Variants in CHM observed in about 807,000 individuals in gnomAD.
The protein encoded by CHM is rab proteins geranylgeranyltransferase component A 1.
In CHM, 10 loss-of-function variants were observed where a neutral mutation model predicts 49.0. That is an observed-to-expected ratio of 0.20 (90% CI 0.13 to 0.35). CHM has a LOEUF of 0.35. CHM is among the 10% of genes least tolerant of loss of function. CHM has a pLI of 1.00. For synonymous variants in CHM, 184 were observed against 167.5 expected, an observed-to-expected ratio of 1.10 and a Z score of -0.76; for missense variants, 455 against 478.4, an observed-to-expected ratio of 0.95 and a Z score of 0.46.
At chrX:85,972,285 A>T (rs1930969747) in intron 4 of CHM, among the ~76,000 whole-genome samples, 1 of 113,477 alleles carries the variant, frequency 8.8e-6, no homozygotes, top group Admixed American at 9.2e-5. Flanking sequence ...TCAGGAGCCC[A>T]GCTGGCTTCA....
chrX:86,004,615 A>T (rs1932814539), intron 2 of CHM, among the ~76,000 whole-genome samples: 1 of 112,095 alleles, frequency 8.9e-6, no homozygotes, highest in Admixed American at 9.4e-5. Context: ...TTGCAATTCT[A>T]GTCTCTGATA....
At chrX:85,981,967 T>G (rs747845297) in intron 2 of CHM, among the ~76,000 whole-genome samples, 158 bp from the exon 3 acceptor site, 2 of 111,525 alleles carry the variant, frequency 1.8e-5, no homozygotes, top group South Asian at 7.6e-4. Flanking sequence ...AAGGCTCACA[T>G]AAGTGGAAGT....
At chrX:85,911,164 T>TGTGTATATATATATATATATATATATGA (rs1926948717) in intron 9 of CHM, 97 bp downstream of exon 9, 1 of 3,707 alleles carries the variant, frequency 2.7e-4, no homozygotes. Context: ...TATATATATG[T>TGTGTATATATATATATATATATATATGA]ATATATATAT....
At chrX:86,006,031 C>T (rs1280196936) in intron 2 of CHM, among the ~76,000 whole-genome samples, 7 of 111,388 alleles carry the variant, frequency 6.3e-5, no homozygotes, top group Non-Finnish European at 1.3e-4. Flanking sequence ...ACTGGGAAAC[C>T]GAATACACCA....
chrX:86,021,881 A>C (rs1461751905), intron 2 of CHM, among the ~76,000 whole-genome samples: 3 of 112,037 alleles, frequency 2.7e-5, no homozygotes, highest in Non-Finnish European at 5.6e-5. Flanking sequence ...AAAATGGATA[A>C]GCCTTGAGGA....
chrX:85,930,402 T>G (rs969145244), intron 8 of CHM, among the ~76,000 whole-genome samples: 1 of 111,390 alleles, frequency 9.0e-6, no homozygotes, highest in Non-Finnish European at 1.9e-5. Context: ...TAGAAGAAAA[T>G]TAGATCAAAA....
At chrX:85,939,937 C>T (rs2147635478) in intron 8 of CHM, among the ~76,000 whole-genome samples, 1 of 111,666 alleles carries the variant, frequency 9.0e-6, no homozygotes, top group African/African-American at 3.3e-5. Context: ...AATTTTATTC[C>T]TCCTGCCTCT....
chrX:85,931,711 T>C (rs187989367), intron 8 of CHM, among the ~76,000 whole-genome samples: 2,752 of 111,692 alleles, frequency 0.025, 38 homozygotes, highest in Non-Finnish European at 0.042. Flanking sequence ...GTGGGACCCA[T>C]GCAGAGACTA....
chrX:85,936,534 A>C (rs1050599461), intron 8 of CHM, among the ~76,000 whole-genome samples: 8 of 112,056 alleles, frequency 7.1e-5, no homozygotes, highest in African/African-American at 2.6e-4. Flanking sequence ...GTTAGAATCA[A>C]AACCCATTTC....
intron 12 of CHM, among the ~76,000 whole-genome samples, chrX:85,892,375 G>A (rs2148141302): frequency 9.0e-6 from 1 of 111,252 alleles, no homozygotes; most frequent in Non-Finnish European, 1.9e-5. Context: ...TTGTGGGAGG[G>A]ACCCAGGGGG....
intron 4 of CHM, chrX:85,969,178 C>T (rs1930743696): frequency 1.4e-6 from 1 of 738,899 alleles, no homozygotes; most frequent in Non-Finnish European, 1.6e-6. Flanking sequence ...TTTCATCCTG[C>T]TTTAATATTA....
In CHM at chrX:85,990,313, C is replaced by T. The variant is rs920241014; in HGVS notation, c.117-8504G>A. ...TGAGAACTTATGAACACAAAGAAGG[C>T]AAGAGCAAACACTGGAGTCTACTTG... On this transcript the variant is annotated intron_variant, in intron 2 of 14. Coordinates refer to ENST00000357749, the MANE Select transcript of CHM (RefSeq NM_000390.4). Among the ~76,000 whole-genome samples, 6 of 111,356 alleles carry T rather than the reference C, an allele frequency of 5.4e-5. No homozygotes were observed. The Admixed American group carries it at 5.7e-4, about 11-fold the overall frequency.
chrX:86,004,438 A>T (rs1932809857), intron 2 of CHM, among the ~76,000 whole-genome samples: 1 of 112,194 alleles, frequency 8.9e-6, no homozygotes, highest in South Asian at 3.7e-4. Context: ...TAAATGGGCT[A>T]AATGCCCCAA....
chrX:85,873,411 C>T (rs958657387), intron 13 of CHM, among the ~76,000 whole-genome samples, 199 bp from the exon 14 acceptor site: 3 of 111,393 alleles, frequency 2.7e-5, no homozygotes, highest in African/African-American at 9.8e-5. Context: ...CAGTCATGCT[C>T]CTTTGGACTT....
At chrX:86,010,234 T>TCC (rs2147765666) in intron 2 of CHM, among the ~76,000 whole-genome samples, 1 of 98,630 alleles carries the variant, frequency 1.0e-5, no homozygotes, top group Non-Finnish European at 2.0e-5. Flanking sequence ...GGGATAGTGT[T>TCC]AGGAGAAATA....
intron 2 of CHM, among the ~76,000 whole-genome samples, chrX:86,018,721 T>TACTGA (rs1169882471): frequency 2.7e-5 from 3 of 112,364 alleles, no homozygotes; most frequent in African/African-American, 9.7e-5. Context: ...ATAAATGAAC[T>TACTGA]ACTGATACAT....
At chrX:85,932,693 TTTTA>T (rs781375136) in intron 8 of CHM, among the ~76,000 whole-genome samples, 1 of 112,018 alleles carries the variant, frequency 8.9e-6, no homozygotes, top group Non-Finnish European at 1.9e-5. Context: ...AAACAGCACT[TTTTA>T]TTTCTCCTTT....
At chrX:85,874,287 T>TA (rs1253695787) in intron 13 of CHM, among the ~76,000 whole-genome samples, 1 of 111,832 alleles carries the variant, frequency 8.9e-6, no homozygotes, top group Non-Finnish European at 1.9e-5. Flanking sequence ...AAACATAAAA[T>TA]ACTGCTGTTG....
At chrX:86,043,792 A>T (rs1344674287) in intron 1 of CHM, among the ~76,000 whole-genome samples, 1 of 108,486 alleles carries the variant, frequency 9.2e-6, no homozygotes, top group African/African-American at 3.4e-5. Context: ...CAGTGGTGCC[A>T]TCTAAGCTCA....
Sources: allele counts gnomAD v4.1 joint callset (sites outside exome capture counted in the v4.1 genomes callset), GRCh38; gene constraint gnomAD v4.1.1; transcripts MANE v1.5; gene names NCBI Gene and HGNC (gene_info 2026-07-23, HGNC 2026-07-21).